The following C17orf67 variants were observed in gnomAD, a reference collection of about 807,000 sequenced individuals.
C17orf67 encodes the protein chromosome 17 open reading frame 67, also known as uncharacterized protein C17orf67.
C17orf67 carries 12 observed loss-of-function variants against 11.2 expected under a neutral mutation model. The ratio of observed to expected loss-of-function variants is 1.07; its 90% CI spans 0.68 to 1.73. C17orf67 has a LOEUF of 1.73. C17orf67 is among the 40% of genes most tolerant of loss of function. The pLI, the probability that C17orf67 is intolerant of heterozygous loss-of-function variation, is 0.00. For missense variants in C17orf67, 115 were observed against 113.5 expected, an observed-to-expected ratio of 1.01 and a Z score of -0.06; for synonymous variants, 59 against 46.9, an observed-to-expected ratio of 1.26 and a Z score of -1.05.
intron 6 of C17orf67, among the ~76,000 whole-genome samples, chr17:56,814,463 G>A (rs1389375776): frequency 6.6e-6 from 1 of 152,166 alleles, no homozygotes; most frequent in Non-Finnish European, 1.5e-5. Flanking sequence ...CTGGGGCAGA[G>A]ATTCTCCCTG....
At chr17:56,822,288 T>G (rs1161853811) in intron 4 of C17orf67, among the ~76,000 whole-genome samples, 1 of 152,232 alleles carries the variant, frequency 6.6e-6, no homozygotes, top group Non-Finnish European at 1.5e-5. Flanking sequence ...AATAGGCTCC[T>G]GCCAGAACAT....
intron 6 of C17orf67, among the ~76,000 whole-genome samples, chr17:56,804,811 A>G (rs1463539043): frequency 6.6e-6 from 1 of 152,238 alleles, no homozygotes; most frequent in African/African-American, 2.4e-5. Context: ...TCATCTTTTT[A>G]AAGAATTTCC....
At chr17:56,803,997 C>T (rs1040647405) in intron 6 of C17orf67, 3 of 152,210 alleles carry the variant, frequency 2.0e-5, no homozygotes, top group Non-Finnish European at 4.4e-5. Context: ...AATGGCCCAA[C>T]ATTAAGGATA....
rs371162128 is a variant in C17orf67 at position 56,814,936 on chromosome 17, T to C, written c.89A>G (p.Lys30Arg). Residue 30 changes from lysine (K) to arginine (R), a missense_variant, in exon 6 of 8, where the codon AAA becomes AGA. Coordinates refer to ENST00000397861, the MANE Select transcript of C17orf67 (RefSeq NM_001085430.4). ...TSPILTEKQA[K>R]QLLRSRRQDR... ...CTGTCGCCGAGATCTTAGGAGCTGT[T>C]TGGCCTGCTTCTCTGTCAAAATCGG... 6.2e-6 allele frequency: 10 copies of C among 1,614,012 alleles called. No homozygotes were observed. Among genetic ancestry groups the C allele is most frequent in the Non-Finnish European group, 8.5e-6 (10 of 1,180,012 alleles).
At chr17:56,829,480 G>A (rs768152571) in intron 2 of C17orf67, among the ~76,000 whole-genome samples, 9 of 152,152 alleles carry the variant, frequency 5.9e-5, no homozygotes, top group Non-Finnish European at 8.8e-5. Context: ...CAGCCAGGCA[G>A]CCAAGAGCCA....
chr17:56,799,750 T>C (rs904417718), intron 6 of C17orf67, among the ~76,000 whole-genome samples: 1 of 152,250 alleles, frequency 6.6e-6, no homozygotes, highest in South Asian at 2.1e-4. Context: ...GTTGTCCATG[T>C]TCCAGATTTT....
intron 6 of C17orf67, among the ~76,000 whole-genome samples, chr17:56,798,234 C>T (rs1050588125): frequency 6.6e-6 from 1 of 152,212 alleles, no homozygotes; most frequent in Non-Finnish European, 1.5e-5. Context: ...TAGACCCCTG[C>T]CACAACCTCT....
intron 6 of C17orf67, among the ~76,000 whole-genome samples, chr17:56,813,040 G>A (rs1413923295): frequency 6.6e-6 from 1 of 152,122 alleles, no homozygotes; most frequent in African/African-American, 2.4e-5. Flanking sequence ...AAAATGTCAG[G>A]GGGCAGATGT....
chr17:56,828,568 G>C (rs1477813873), intron 2 of C17orf67, among the ~76,000 whole-genome samples: 1 of 152,120 alleles, frequency 6.6e-6, no homozygotes, highest in African/African-American at 2.4e-5. Context: ...ATACAGAAGA[G>C]TTTATAAACC....
In C17orf67 at chr17:56,814,959, C is replaced by T. The variant is rs199954994; in HGVS notation, c.66G>A (p.Pro22=). 9.9e-6 allele frequency: 16 copies of T among 1,614,032 alleles called. No homozygotes were observed. The highest frequency in any genetic ancestry group is 2.7e-5 in the African/African-American group (2 of 75,032). ...GTTTGGCCTGCTTCTCTGTCAAAAT[C>T]GGGGAGGTCTCTGGAAAAGTCGGGA... is the stretch of plus-strand genomic sequence containing the variant. ...TLLTVFSETS[P]ILTEKQAKQL... The change falls in exon 6 of 8, where the codon CCG becomes CCA. Residue 22 remains proline, a synonymous_variant. Transcript: ENST00000397861.
chr17:56,832,304 A>G (rs1036700772), intron 2 of C17orf67, among the ~76,000 whole-genome samples: 1 of 152,132 alleles, frequency 6.6e-6, no homozygotes, highest in African/African-American at 2.4e-5. Flanking sequence ...CAGACCCCCT[A>G]AAGTATCTTC....
chr17:56,814,749 A>T, intron 6 of C17orf67, 120 bp downstream of exon 6: 1 of 928,354 alleles, frequency 1.1e-6, no homozygotes, highest in Non-Finnish European at 1.7e-6. Flanking sequence ...GCTATCTTCT[A>T]CCTGAAACTC....
intron 4 of C17orf67, among the ~76,000 whole-genome samples, chr17:56,820,722 AT>A (rs772736484): frequency 8.6e-5 from 13 of 151,072 alleles, no homozygotes; most frequent in Non-Finnish European, 1.6e-4. Flanking sequence ...GCTACCACCC[AT>A]ATTCACAACA....
chr17:56,817,906 C>T (rs1010677130), intron 4 of C17orf67, among the ~76,000 whole-genome samples: 3 of 151,048 alleles, frequency 2.0e-5, no homozygotes, highest in Non-Finnish European at 4.4e-5. Context: ...CTGGAGTGCA[C>T]GAACTTGGCT....
intron 2 of C17orf67, among the ~76,000 whole-genome samples, 193 bp from the exon 3 acceptor site, chr17:56,825,514 T>C (rs887807660): frequency 1.4e-4 from 21 of 152,262 alleles, no homozygotes; most frequent in Non-Finnish European, 2.4e-4. Flanking sequence ...GAGAGACTAC[T>C]ATTCTTAAAA....
intron 2 of C17orf67, among the ~76,000 whole-genome samples, chr17:56,832,357 C>T (rs1007725660): frequency 1.3e-5 from 2 of 152,228 alleles, no homozygotes; most frequent in African/African-American, 4.8e-5. Flanking sequence ...CTATTGCCAA[C>T]ACCTTACAAG....
At chr17:56,818,579 G>A (rs570507430) in intron 4 of C17orf67, among the ~76,000 whole-genome samples, 18 of 152,018 alleles carry the variant, frequency 1.2e-4, no homozygotes, top group Admixed American at 3.3e-4. Context: ...AGCACTGTCC[G>A]ATAAAAACAT....
chr17:56,832,034 G>C (rs1169855572), intron 2 of C17orf67, among the ~76,000 whole-genome samples: 2 of 151,944 alleles, frequency 1.3e-5, no homozygotes, highest in Admixed American at 1.3e-4. Flanking sequence ...TGCAACCTCC[G>C]CCTCCTGGGT....
chr17:56,799,346 G>A (rs1905269328), intron 6 of C17orf67, among the ~76,000 whole-genome samples: 1 of 152,204 alleles, frequency 6.6e-6, no homozygotes, highest in African/African-American at 2.4e-5. Context: ...TGAATTTTCA[G>A]ATTGGTTTCT....
Sources: gnomAD v4.1 joint callset for allele counts (sites outside exome capture counted in the v4.1 genomes callset) on GRCh38, gnomAD v4.1.1 for gene constraint, MANE v1.5 for transcripts, NCBI Gene and HGNC (gene_info 2026-07-23, HGNC 2026-07-21) for gene names.